SLF2: variants seen among roughly 807,000 people sequenced by gnomAD.
SLF2 encodes SMC5/6 complex localization factor 2, also known as SMC5-SMC6 complex localization factor protein 2.
In SLF2, 68 loss-of-function variants were observed where a neutral mutation model predicts 124.3. The observed-to-expected ratio is 0.55, with a 90% CI of 0.45 to 0.67. The LOEUF (loss-of-function observed/expected upper bound fraction) is 0.67, where lower values mean the gene tolerates loss of function less well. SLF2 is among the 30% of genes least tolerant of loss of function. The probability of loss-of-function intolerance (pLI) is 0.00; values close to 1 mark genes in which losing one functional copy is unlikely to be tolerated. For synonymous variants in SLF2, 480 were observed against 478.8 expected (o/e 1.00, Z -0.03); for missense variants, 1,246 against 1,373.7 (o/e 0.91, Z 1.47).
intron 11 of SLF2, among the ~76,000 whole-genome samples, chr10:100,941,856 C>A (rs1849988092): frequency 1.3e-5 from 2 of 152,138 alleles, no homozygotes; most frequent in Middle Eastern, 3.4e-3. Flanking sequence ...AGTAACTTGC[C>A]CAAGGTTATA....
intron 9 of SLF2, among the ~76,000 whole-genome samples, chr10:100,932,692 A>AGTGTGTGTGT (rs111530755): frequency 3.7e-5 from 5 of 133,630 alleles, no homozygotes; most frequent in Middle Eastern, 4.2e-3. Flanking sequence ...ACAAACAATA[A>AGTGTGTGTGT]GTGTGTGTGT....
At chr10:100,959,403 T>C in intron 18 of SLF2, 25 bp from the exon 19 acceptor site, 4 of 1,588,578 alleles carry the variant, frequency 2.5e-6, no homozygotes, top group Admixed American at 1.8e-5. Flanking sequence ...ATCTGATCCC[T>C]TTTCCTGTTT....
At chr10:100,944,166 A>G in intron 12 of SLF2, 38 bp downstream of exon 12, 1 of 1,340,458 alleles carries the variant, frequency 7.5e-7, no homozygotes. Context: ...GCTCAGAGCT[A>G]GAACCATTTA....
intron 18 of SLF2, among the ~76,000 whole-genome samples, chr10:100,957,154 A>G (rs1011572851): frequency 6.6e-5 from 10 of 152,158 alleles, no homozygotes; most frequent in African/African-American, 2.4e-4. Flanking sequence ...TAAAACCTTC[A>G]TGCTTAAGTT....
At chr10:100,945,073 A>G (rs1019706588) in intron 12 of SLF2, among the ~76,000 whole-genome samples, 1 of 152,174 alleles carries the variant, frequency 6.6e-6, no homozygotes, top group African/African-American at 2.4e-5. Context: ...GACAGTGTGA[A>G]ACATTTTTAG....
intron 9 of SLF2, among the ~76,000 whole-genome samples, chr10:100,932,031 G>A (rs1233443637): frequency 1.3e-5 from 2 of 151,928 alleles, no homozygotes; most frequent in East Asian, 3.9e-4. Flanking sequence ...GCATGGATGG[G>A]GCTTTTTCCA....
intron 6 of SLF2, among the ~76,000 whole-genome samples, chr10:100,927,492 A>G (rs1305885655): frequency 6.6e-6 from 1 of 152,232 alleles, no homozygotes; most frequent in Non-Finnish European, 1.5e-5. Context: ...GTCATCTGTC[A>G]GTGGACCTTT....
In SLF2 at chr10:100,937,491, C is replaced by T; in HGVS notation, c.2512+14C>T. 6.9e-7 allele frequency: 1 copy of T among 1,455,360 alleles called. No individual in the cohort carries two copies. The highest frequency in any genetic ancestry group is 1.1e-5 in the South Asian group (1 of 87,818). 90.2% of individuals were successfully genotyped at this position (1,455,360 alleles called of 1,614,324 possible). On this transcript the variant is annotated intron_variant, in intron 10 of 19. Coordinates refer to ENST00000238961, the MANE Select transcript of SLF2 (RefSeq NM_018121.4). ...CAATTAGAAATGGTAAGTATATCAACTTATTAAGATTTACCGTGTGTATTA... is the reference window on the plus strand; with the variant it reads ...CAATTAGAAATGGTAAGTATATCAATTTATTAAGATTTACCGTGTGTATTA...
In SLF2 at chr10:100,950,700, C is replaced by A; in HGVS notation, c.3277C>A (p.Leu1093Ile). Residue 1093 changes from leucine to isoleucine, a missense_variant, in exon 17 of 20, where the codon CTT becomes ATT. Coordinates refer to ENST00000238961, the MANE Select transcript of SLF2 (RefSeq NM_018121.4). ...GGCATATTACCTGACCTACATTCTT[C>A]TTCATTTAGTCGGTGAAGTTAGTTG... The part of the protein sequence containing the change: ...KQAYYLTYIL[L>I]HLVGEVSCSH... The A allele has an allele frequency of 1.9e-6, 3 of 1,613,904 alleles. No individual in the cohort carries two copies. The highest frequency in any genetic ancestry group is 2.5e-6 in the Non-Finnish European group (3 of 1,179,884).
chr10:100,918,438 T>A lies in SLF2; in HGVS notation c.970T>A (p.Ser324Thr). ...CTCTTCTGATTCATGGGAACCTACT[T>A]CAGGTAGAATCAAAATTAAATTTAT... ...RSSSDSWEPTSAGSKQNKFPE... is the reference protein window; with the variant it reads ...RSSSDSWEPTTAGSKQNKFPE... Residue 324 changes from serine (S) to threonine (T), a missense_variant, in exon 4 of 20, where the codon TCA becomes ACA. By Grantham distance (58) the Ser-to-Thr change is moderately conservative. Transcript: ENST00000238961. 1 of 1,568,664 alleles carries A rather than the reference T, an allele frequency of 6.4e-7. No homozygotes were observed. Among genetic ancestry groups the A allele is most frequent in the South Asian group, 1.2e-5 (1 of 84,832 alleles).
Position 100,962,097 on chromosome 10 carries a change from T to A in SLF2, c.*185T>A. 1.9e-6 allele frequency: 1 copy of A among 518,718 alleles called. No homozygotes were observed. The highest frequency in any genetic ancestry group is 3.4e-6 in the Non-Finnish European group (1 of 297,238). The allele number at this position is 518,718 out of a possible 1,614,324, so 32.1% of individuals were successfully genotyped here. On this transcript the variant is annotated 3_prime_UTR_variant, in exon 20 of 20. Coordinates refer to ENST00000238961, the MANE Select transcript of SLF2 (RefSeq NM_018121.4). ...CCATTTCTGAAGCAGATATGAAATA[T>A]GATCTGCTTAATTGTTAAGGCAACT...
At chr10:100,914,774 C>T (rs11593290) in intron 1 of SLF2, among the ~76,000 whole-genome samples, 12,152 of 152,170 alleles carry the variant, frequency 0.08, 621 homozygotes, top group Non-Finnish European at 0.11. Flanking sequence ...CTCAAACAAG[C>T]GTGATGGACT....
At chr10:100,923,514 A>ATT (rs1030153762) in intron 4 of SLF2, among the ~76,000 whole-genome samples, 4 of 143,076 alleles carry the variant, frequency 2.8e-5, no homozygotes, top group Non-Finnish European at 4.6e-5. Context: ...ACACAGCGTG[A>ATT]TTTTTTTTTT....
Position 100,931,072 on chromosome 10 carries a change from G to T in SLF2, c.2430G>T (p.Leu810=). 3.1e-6 allele frequency: 5 copies of T among 1,611,290 alleles called. No homozygotes were observed. The highest frequency in any genetic ancestry group is 4.2e-6 in the Non-Finnish European group (5 of 1,178,152). ...GTCCTGTCCCTGTGTTAAAGTGGCTGTTTCGGGTAAGAGGAATGTTTAGAG... is the reference window on the plus strand; with the variant it reads ...GTCCTGTCCCTGTGTTAAAGTGGCTTTTTCGGGTAAGAGGAATGTTTAGAG... ...VQCPVPVLKW[L]FRMMSVHTDC... The change falls in exon 9 of 20, where the codon CTG becomes CTT. Residue 810 remains leucine (L), a synonymous_variant. Transcript: ENST00000238961.
rs1850477644 is a variant in SLF2 at position 100,964,584 on chromosome 10, A to G, written c.*2672A>G. 1 of 152,630 alleles carries G rather than the reference A, an allele frequency of 6.6e-6. No homozygotes were observed. The highest frequency in any genetic ancestry group is 2.1e-4 in the South Asian group (1 of 4,834). The allele number at this position is 152,630 out of a possible 1,614,324, so 9.5% of individuals were successfully genotyped here. A position where few individuals can be genotyped will look rare whatever the true frequency, so the allele number is the denominator to read the frequency against. On this transcript the variant is annotated 3_prime_UTR_variant, in exon 20 of 20. Coordinates refer to ENST00000238961, the MANE Select transcript of SLF2 (RefSeq NM_018121.4). ...AGGTTTGCATTTTGTTTCTGCTTTCAAGCGCAAATAGTAGCTTGCTTTCAG... is the reference window on the plus strand; with the variant it reads ...AGGTTTGCATTTTGTTTCTGCTTTCGAGCGCAAATAGTAGCTTGCTTTCAG...
At chr10:100,939,771 G>T (rs1849932322) in intron 11 of SLF2, among the ~76,000 whole-genome samples, 1 of 151,980 alleles carries the variant, frequency 6.6e-6, no homozygotes, top group African/African-American at 2.4e-5. Context: ...CAGAGGAAAT[G>T]AATAGACTGA....
chr10:100,957,607 C>T (rs1850358125), intron 18 of SLF2, among the ~76,000 whole-genome samples: 1 of 151,456 alleles, frequency 6.6e-6, no homozygotes, highest in Admixed American at 6.6e-5. Context: ...GATCTGCCTG[C>T]CTCGGCATCC....
chr10:100,931,054 C>A lies in SLF2; in HGVS notation c.2412C>A (p.Val804=), dbSNP rs760266739. Residue 804 remains valine, a synonymous_variant, in exon 9 of 20, where the codon GTC becomes GTA. Transcript: ENST00000238961. ...CTTATCACTATGTCCAGTGTCCTGT[C>A]CCTGTGTTAAAGTGGCTGTTTCGGG... is the stretch of plus-strand genomic sequence containing the variant. ...TSAYHYVQCP[V]PVLKWLFRMM... 3.1e-6 allele frequency: 5 copies of A among 1,613,606 alleles called. No individual in the cohort carries two copies. The South Asian group carries it at 5.5e-5, about 18-fold the overall frequency.
Position 100,913,011 on chromosome 10 carries a change from C to A in SLF2, c.-100C>A. ...GAAGAGAGAAGGGGGTGCCGCCCAC[C>A]TCTGCTCCGACAGCCTCCCGGAGTC... On this transcript the variant is annotated 5_prime_UTR_variant, in exon 1 of 20. Transcript: ENST00000238961. The A allele has an allele frequency of 7.3e-7, 1 of 1,368,766 alleles. No individual in the cohort carries two copies. The highest frequency in any genetic ancestry group is 1.0e-6 in the Non-Finnish European group (1 of 990,036). 84.8% of individuals were successfully genotyped at this position (1,368,766 alleles called of 1,614,324 possible).
Sources: gnomAD v4.1 joint callset for allele counts (sites outside exome capture counted in the v4.1 genomes callset) on GRCh38, gnomAD v4.1.1 for gene constraint, MANE v1.5 for transcripts, NCBI Gene and HGNC (gene_info 2026-07-23, HGNC 2026-07-21) for gene names.